The following LIG1 variants were observed in gnomAD, a reference collection of about 807,000 sequenced individuals.
LIG1 encodes the protein ligase I, DNA, ATP-dependent.
LIG1 carries 70 observed loss-of-function variants against 115.7 expected under a neutral mutation model. The observed-to-expected ratio is 0.60, with a 90% CI of 0.50 to 0.74. The LOEUF is 0.74. Ranked by LOEUF, LIG1 falls within the 30% of genes least tolerant of loss-of-function variation. LIG1 has a pLI of 0.00. For missense variants in LIG1, 1,115 were observed against 1,225.6 expected (o/e 0.91, Z 1.35); for synonymous variants, 487 against 495.3 (o/e 0.98, Z 0.22).
At chr19:48,153,110 G>A (rs1383985195) in intron 6 of LIG1, among the ~76,000 whole-genome samples, 5 of 150,220 alleles carry the variant, frequency 3.3e-5, no homozygotes, top group African/African-American at 4.9e-5. Context: ...TGGGAGAATC[G>A]CTTGAGCCTG....
At chr19:48,143,522 C>A in intron 11 of LIG1, 21 bp downstream of exon 11, 5 of 642,236 alleles carry the variant, frequency 7.8e-6, no homozygotes, top group South Asian at 2.8e-5. Context: ...GCCCCCCACC[C>A]AGGCAGTCCT....
chr19:48,165,473 T>G lies in LIG1; in HGVS notation c.17+77A>C, dbSNP rs374010976. On this transcript the variant is annotated intron_variant, in intron 2 of 27. Transcript: ENST00000263274. ...TAAGAGTTTTTGTTTGTTTGTTTGT[T>G]TTTTTAAGTACAGATTTAGAGAAAG... is the stretch of plus-strand genomic sequence containing the variant. 536 of 1,194,936 alleles carry G rather than the reference T, an allele frequency of 4.5e-4. 1 individual carries two copies. In the African/African-American group the frequency reaches 7.2e-3, roughly 16 times the overall value. 74.0% of individuals were successfully genotyped at this position (1,194,936 alleles called of 1,614,324 possible).
At chr19:48,140,344 G>A (rs961249591) in intron 11 of LIG1, among the ~76,000 whole-genome samples, 8 of 152,200 alleles carry the variant, frequency 5.3e-5, no homozygotes, top group Non-Finnish European at 8.8e-5. Context: ...TTGCAAAACC[G>A]TAACTGAGGA....
intron 1 of LIG1, among the ~76,000 whole-genome samples, chr19:48,166,955 G>A (rs1200773789): frequency 8.8e-6 from 1 of 113,372 alleles, no homozygotes; most frequent in Non-Finnish European, 1.8e-5. Flanking sequence ...GTAACACTCT[G>A]TCTCAAAAAA....
chr19:48,134,962 C>T (rs1171046854), intron 16 of LIG1, among the ~76,000 whole-genome samples: 1 of 152,246 alleles, frequency 6.6e-6, no homozygotes, highest in Non-Finnish European at 1.5e-5. Context: ...GCCTAGGTCC[C>T]TCCACATGGC....
chr19:48,151,809 G>GCC (rs200532690), intron 6 of LIG1, among the ~76,000 whole-genome samples: 1 of 109,558 alleles, frequency 9.1e-6, no homozygotes, highest in African/African-American at 3.6e-5. Context: ...AGGGGGTCCA[G>GCC]CCCGTTTGCC....
rs773710949 is a variant in LIG1 at position 48,134,010 on chromosome 19, C to T, written c.1580G>A (p.Arg527His). Reference protein sequence around the residue: ...IPVLLEHGLERLPEHCKLSPG... With the variant: ...IPVLLEHGLEHLPEHCKLSPG... ...GCTCAGCTTGCAGTGCTCCGGGAGA[C>T]GTTCCAGGCCGTGCTCCAGCAGCAC... Residue 527 changes from arginine to histidine, a missense_variant, in exon 17 of 28, where the codon CGT (arginine) becomes CAT (histidine). Transcript: ENST00000263274. 1.3e-5 allele frequency: 21 copies of T among 1,556,070 alleles called. No homozygotes were observed. Among genetic ancestry groups the T allele is most frequent in the East Asian group, 9.7e-5 (4 of 41,204 alleles).
At chr19:48,139,778 A>C (rs2034620819) in intron 12 of LIG1, among the ~76,000 whole-genome samples, 193 bp downstream of exon 12, 2 of 132,204 alleles carry the variant, frequency 1.5e-5, no homozygotes, top group African/African-American at 5.8e-5. Flanking sequence ...GTCCTCCCTC[A>C]CCTGAACTGC....
rs1257233419 is a variant in LIG1 at position 48,127,328 on chromosome 19, G to A, written c.1953C>T (p.Ile651=). Residue 651 remains isoleucine (I), a synonymous_variant, in exon 21 of 28, where the codon ATC becomes ATT. Coordinates refer to ENST00000263274, the MANE Select transcript of LIG1 (RefSeq NM_000234.3). ...AGGCGTACAAACACACCTGCACCTG[G>A]ATCTCAGACGCATCCACCTCCTGGG... ...RKRKEVDASE[I]QVQVCLYAFD... 8 of 1,613,586 alleles carry A rather than the reference G, an allele frequency of 5.0e-6. No homozygotes were observed. Among genetic ancestry groups the A allele is most frequent in the South Asian group, 1.1e-5 (1 of 91,084 alleles).
At position 48,137,728 on chromosome 19, in the gene LIG1, G is replaced by T. The variant is rs748482229; in HGVS notation, c.1088-40C>A. 9 of 1,598,022 alleles carry T rather than the reference G, an allele frequency of 5.6e-6. No individual in the cohort carries two copies. The highest frequency in any genetic ancestry group is 1.7e-4 in the Middle Eastern group (1 of 6,058). The stretch of plus-strand genomic sequence containing the variant: ...GCGGGTGGGGGTGTCGAGGGTGACA[G>T]TTGTGGCTGCGTGTCTCCCTTCTCT... On this transcript the variant is annotated intron_variant, in intron 12 of 27. Coordinates refer to ENST00000263274, the MANE Select transcript of LIG1 (RefSeq NM_000234.3). The surrounding 1 kb of genome is among the most constrained non-coding windows in gnomAD (Gnocchi z 4.3).
chr19:48,167,178 C>T (rs1042615939), intron 1 of LIG1, among the ~76,000 whole-genome samples: 2 of 150,606 alleles, frequency 1.3e-5, no homozygotes, highest in Non-Finnish European at 3.0e-5. Flanking sequence ...TATAAATTTT[C>T]TATATCTTTA....
intron 14 of LIG1, 38 bp downstream of exon 14, chr19:48,136,970 C>T (rs747642401): frequency 2.0e-6 from 3 of 1,531,174 alleles, no homozygotes; most frequent in Admixed American, 1.8e-5. Context: ...TCCGAGCCTG[C>T]AGTCCCCCTC....
At chr19:48,156,366 A>G (rs957423950) in intron 5 of LIG1, among the ~76,000 whole-genome samples, 3 of 152,194 alleles carry the variant, frequency 2.0e-5, no homozygotes, top group African/African-American at 4.8e-5. Flanking sequence ...ATCTCAGCGC[A>G]TAACTACAGT....
rs1403192883 is a variant in LIG1 at position 48,137,584 on chromosome 19, G to A, written c.1192C>T (p.Pro398Ser). The change falls in exon 13 of 28, where the codon CCG becomes TCG. Residue 398 changes from proline to serine, a missense_variant. Coordinates refer to ENST00000263274, the MANE Select transcript of LIG1 (RefSeq NM_000234.3). The surrounding 1 kb of genome is among the most constrained non-coding windows in gnomAD (Gnocchi z 4.3). ...STQRLMLPPP[P>S]LTASGVFSKF... ...CTGAAGACCCCGGAGGCAGTGAGCG[G>A]AGGTGGTGGCAGCATGAGCCTCTGG... 1.9e-6 allele frequency: 3 copies of A among 1,613,322 alleles called. No individual in the cohort carries two copies. The highest frequency in any genetic ancestry group is 4.5e-5 in the East Asian group (2 of 44,892).
In LIG1 at chr19:48,119,085, CA is replaced by C. The variant is rs1428111644; in HGVS notation, c.2439+51del. 2.8e-6 allele frequency: 4 copies of C among 1,432,458 alleles called. No homozygotes were observed. In the East Asian group the frequency reaches 9.9e-5, roughly 35 times the overall value. 88.7% of individuals were successfully genotyped at this position (1,432,458 alleles called of 1,614,324 possible). On this transcript the variant is annotated intron_variant, in intron 25 of 27. Transcript: ENST00000263274. ...GCCCTGCATGGAAGGACTGTGCTGT[CA>C]GGGGCAGGGGGGAGAGGGGTGGAGG...
chr19:48,132,277 T>A (rs1452714849), intron 18 of LIG1, among the ~76,000 whole-genome samples: 1 of 151,968 alleles, frequency 6.6e-6, no homozygotes, highest in Non-Finnish European at 1.5e-5. Flanking sequence ...CACAACACAT[T>A]CTTACAGACC....
chr19:48,169,134 T>C (rs572559256), intron 1 of LIG1, among the ~76,000 whole-genome samples: 1 of 152,314 alleles, frequency 6.6e-6, no homozygotes, highest in African/African-American at 2.4e-5. Context: ...TATGATTCCA[T>C]TTACATAACA....
At chr19:48,118,400 T>A (rs2033017111) in intron 25 of LIG1, 1 of 162,826 alleles carries the variant, frequency 6.1e-6, no homozygotes, top group South Asian at 1.7e-4. Flanking sequence ...AAAGGGCAGT[T>A]CCCCTGCACA....
At chr19:48,150,278 T>C (rs2035387416) in intron 7 of LIG1, 68 bp from the exon 8 acceptor site, 3 of 1,604,164 alleles carry the variant, frequency 1.9e-6, no homozygotes, top group Non-Finnish European at 2.6e-6. Context: ...TCTTTTTTTT[T>C]ACCCCCAAGA....
Sources: allele counts gnomAD v4.1 joint callset (sites outside exome capture counted in the v4.1 genomes callset), GRCh38; gene constraint gnomAD v4.1.1; non-coding constraint Gnocchi (gnomAD v3.1); transcripts MANE v1.5; gene names NCBI Gene and HGNC (gene_info 2026-07-23, HGNC 2026-07-21).